MON2: variants seen among roughly 807,000 people sequenced by gnomAD.
MON2 encodes the protein protein MON2 homolog.
MON2 carries 84 observed loss-of-function variants against 208.6 expected under a neutral mutation model. The observed-to-expected ratio is 0.40, with a 90% CI of 0.34 to 0.48. MON2 has a LOEUF of 0.48. Ranked by LOEUF, MON2 falls within the 20% of genes least tolerant of loss-of-function variation. MON2 has a pLI of 0.59. For synonymous variants in MON2, 660 were observed against 694.0 expected (o/e 0.95, Z 0.77); for missense variants, 1,611 against 2,015.4 (o/e 0.80, Z 3.84).
chr12:62,473,851 C>G (rs1306237893), intron 1 of MON2, among the ~76,000 whole-genome samples: 1 of 151,776 alleles, frequency 6.6e-6, no homozygotes, highest in Non-Finnish European at 1.5e-5. Flanking sequence ...GATTACAGAC[C>G]CGAGCCACTG....
intron 25 of MON2, among the ~76,000 whole-genome samples, chr12:62,556,604 A>G (rs2073977312): frequency 6.6e-6 from 1 of 152,170 alleles, no homozygotes; most frequent in South Asian, 2.1e-4. Context: ...CGAAGTGTGG[A>G]GAGCCTTATA....
At chr12:62,496,952 A>G (rs1025595383) in intron 4 of MON2, among the ~76,000 whole-genome samples, 20 of 145,666 alleles carry the variant, frequency 1.4e-4, no homozygotes, top group African/African-American at 5.1e-4. Context: ...TGTGGCACAT[A>G]TACACCATGG....
Position 62,560,509 on chromosome 12 carries a change from G to C in MON2, c.3428G>C (p.Trp1143Ser). The C allele has an allele frequency of 6.2e-7, 1 of 1,606,624 alleles. No individual in the cohort carries two copies. The highest frequency in any genetic ancestry group is 1.1e-5 in the South Asian group (1 of 89,290). Reference sequence around the variant, plus strand: ...AATATAGGAGATTTTTCAAGAGCTTGGGATGTTCTTCTTGACCATATACAG... The same window carrying C: ...AATATAGGAGATTTTTCAAGAGCTTCGGATGTTCTTCTTGACCATATACAG... The part of the protein sequence containing the change: ...LQPLGDFSRA[W>S]DVLLDHIQSA... The change falls in exon 26 of 35, where the codon TGG (tryptophan) becomes TCG (serine). Residue 1143 changes from tryptophan (W) to serine (S), a missense_variant. Trp to Ser is a radical substitution (Grantham distance 177, BLOSUM62 -3). Coordinates refer to ENST00000393630, the MANE Select transcript of MON2 (RefSeq NM_015026.3).
intron 25 of MON2, among the ~76,000 whole-genome samples, chr12:62,556,439 G>A (rs1421707300): frequency 6.6e-6 from 1 of 152,118 alleles, no homozygotes; most frequent in Non-Finnish European, 1.5e-5. Flanking sequence ...AAATAAAGGC[G>A]AAATTTCTAC....
At chr12:62,503,056 G>T (rs920016375) in intron 7 of MON2, among the ~76,000 whole-genome samples, 1 of 152,124 alleles carries the variant, frequency 6.6e-6, no homozygotes, top group African/African-American at 2.4e-5. Context: ...AATTTGTCCA[G>T]CACTCTTGTA....
intron 31 of MON2, among the ~76,000 whole-genome samples, chr12:62,579,593 G>A (rs2074930486): frequency 6.6e-6 from 1 of 151,942 alleles, no homozygotes; most frequent in Non-Finnish European, 1.5e-5. Flanking sequence ...GGGCGTGGTG[G>A]TGGGCCCCTG....
At chr12:62,511,742 A>G (rs1232448410) in intron 8 of MON2, among the ~76,000 whole-genome samples, 1 of 152,254 alleles carries the variant, frequency 6.6e-6, no homozygotes, top group African/African-American at 2.4e-5. Flanking sequence ...CACAGGCAAC[A>G]AAAGCAACAA....
rs191577817 is a variant in MON2, at chr12:62,594,305, T to A, written c.*1556T>A. On this transcript the variant is annotated 3_prime_UTR_variant, in exon 35 of 35. Coordinates refer to ENST00000393630, the MANE Select transcript of MON2 (RefSeq NM_015026.3). ...TTGAGATACAGTTTTGAGGCTATTA[T>A]AATTGTATAATTATTTAATTTGCAT... 1.3e-5 allele frequency: 2 copies of A among 152,204 alleles called. No homozygotes were observed. The highest frequency in any genetic ancestry group is 6.5e-5 in the Admixed American group (1 of 15,284). 9.4% of individuals were successfully genotyped at this position (152,204 alleles called of 1,614,324 possible). A position where few individuals can be genotyped will look rare whatever the true frequency, so the allele number is the denominator to read the frequency against.
intron 11 of MON2, among the ~76,000 whole-genome samples, chr12:62,527,599 C>CATA (rs1361253959): frequency 6.6e-6 from 1 of 152,038 alleles, no homozygotes; most frequent in African/African-American, 2.4e-5. Context: ...ATAACCTGAA[C>CATA]ATAAACCAAC....
intron 1 of MON2, among the ~76,000 whole-genome samples, chr12:62,468,006 A>G (rs529118589): frequency 6.6e-5 from 10 of 151,964 alleles, no homozygotes; most frequent in Non-Finnish European, 1.2e-4. Flanking sequence ...TATATTATGT[A>G]TGGGAAAGAT....
At chr12:62,557,460 C>T (rs541797875) in intron 25 of MON2, among the ~76,000 whole-genome samples, 1 of 152,320 alleles carries the variant, frequency 6.6e-6, no homozygotes, top group African/African-American at 2.4e-5. Context: ...AAGAATTATA[C>T]AACCAGAAAT....
chr12:62,467,042 C>T lies in MON2; in HGVS notation c.-166C>T. On this transcript the variant is annotated 5_prime_UTR_variant, in exon 1 of 35. Transcript: ENST00000393630. ...AAAAGCCAGAGGTGTTGCGGGGAAG[C>T]TGCTGGGGGACGCTCGAGCAGGCTC... The T allele has an allele frequency of 1.7e-6, 1 of 572,098 alleles. No homozygotes were observed. Among genetic ancestry groups the T allele is most frequent in the Non-Finnish European group, 3.1e-6 (1 of 323,166 alleles). The allele number at this position is 572,098 out of a possible 1,614,324, so 35.4% of individuals were successfully genotyped here. A position where few individuals can be genotyped will look rare whatever the true frequency, so the allele number is the denominator to read the frequency against.
At chr12:62,529,976 T>G (rs2072543372) in intron 11 of MON2, among the ~76,000 whole-genome samples, 1 of 152,204 alleles carries the variant, frequency 6.6e-6, no homozygotes, top group Admixed American at 6.5e-5. Context: ...CATTTATCTT[T>G]TCTTTATGGT....
At chr12:62,568,508 T>C (rs928858207) in intron 29 of MON2, among the ~76,000 whole-genome samples, 1 of 151,790 alleles carries the variant, frequency 6.6e-6, no homozygotes, top group Non-Finnish European at 1.5e-5. Context: ...CCAGCTGATT[T>C]TTAAATTTTT....
intron 19 of MON2, 60 bp downstream of exon 19, chr12:62,538,565 C>A: frequency 2.6e-6 from 3 of 1,135,216 alleles, no homozygotes; most frequent in South Asian, 1.3e-5. Context: ...GATGTACATC[C>A]ATTATGATCT....
intron 19 of MON2, among the ~76,000 whole-genome samples, chr12:62,541,297 C>G (rs192780196): frequency 8.0e-5 from 12 of 150,488 alleles, no homozygotes; most frequent in Non-Finnish European, 1.5e-4. Flanking sequence ...ATAAGAATCA[C>G]TTGGGAGGTG....
intron 7 of MON2, among the ~76,000 whole-genome samples, chr12:62,507,426 C>T (rs1275129332): frequency 6.6e-6 from 1 of 151,612 alleles, no homozygotes; most frequent in Non-Finnish European, 1.5e-5. Flanking sequence ...AAGTGATCCT[C>T]CCACTTTAGT....
rs71086609 is a variant in MON2, at chr12:62,557,928, TTATATATATATATATA to T, written c.3409+1756_3409+1771del. The stretch of plus-strand genomic sequence containing the variant: ...TCTTAAAAGCTGAGAACGAATAGAT[TTATATATATATATATA>T]TATATATATATATATATATTTTTTT... On this transcript the variant is annotated intron_variant, in intron 25 of 34. Coordinates refer to ENST00000393630, the MANE Select transcript of MON2 (RefSeq NM_015026.3). Among the ~76,000 whole-genome samples the T allele has an allele frequency of 9.1e-3, 422 of 46,126 alleles. 13 individuals carry two copies. Among genetic ancestry groups the T allele is most frequent in the African/African-American group, 0.033 (342 of 10,380 alleles). The allele number at this position is 46,126 out of a possible 152,430, so 30.3% of individuals were successfully genotyped here. A position where few individuals can be genotyped will look rare whatever the true frequency, so the allele number is the denominator to read the frequency against.
At chr12:62,482,332 A>C (rs1336411838) in intron 1 of MON2, 1 of 152,270 alleles carries the variant, frequency 6.6e-6, no homozygotes. Context: ...ACAGAAGTCT[A>C]CTGCACATGG....
Sources: allele counts gnomAD v4.1 joint callset (sites outside exome capture counted in the v4.1 genomes callset), GRCh38; gene constraint gnomAD v4.1.1; transcripts MANE v1.5; gene names NCBI Gene and HGNC (gene_info 2026-07-23, HGNC 2026-07-21).